The following TES variants were observed in gnomAD, a reference collection of about 807,000 sequenced individuals.
The protein encoded by TES is testin LIM domain protein, also known as testin.
In TES, 41 loss-of-function variants were observed where a neutral mutation model predicts 48.2. The observed-to-expected ratio is 0.85, with a 90% CI of 0.66 to 1.10. The LOEUF (loss-of-function observed/expected upper bound fraction) is 1.10. Ranked by LOEUF, TES falls within the 50% of genes least tolerant of loss-of-function variation. The pLI, the probability that TES is intolerant of heterozygous loss-of-function variation, is 0.00. For synonymous variants in TES, 162 were observed against 174.9 expected, an observed-to-expected ratio of 0.93 and a Z score of 0.58; for missense variants, 463 against 515.1, an observed-to-expected ratio of 0.90 and a Z score of 0.98.
At chr7:116,215,186 C>T (rs1799480434) in intron 1 of TES, among the ~76,000 whole-genome samples, 1 of 152,136 alleles carries the variant, frequency 6.6e-6, no homozygotes, top group Admixed American at 6.5e-5. Context: ...TTACTATGAA[C>T]TTGAACCATA....
In TES at chr7:116,254,762, G is replaced by T. The variant is rs955480614; in HGVS notation, c.1077+2286G>T. ...TCTCAAAAAAAATATATATATATGT[G>T]TGTGTGTGTGTGTGTGTGTGTGTGT... On this transcript the variant is annotated intron_variant, in intron 6 of 6. Coordinates refer to ENST00000358204, the MANE Select transcript of TES (RefSeq NM_015641.4). Among the ~76,000 whole-genome samples the T allele has an allele frequency of 1.1e-3, 109 of 98,774 alleles. No homozygotes were observed. In the Middle Eastern group the frequency reaches 0.014, roughly 13 times the overall value. 64.8% of individuals were successfully genotyped at this position (98,774 alleles called of 152,430 possible).
intron 1 of TES, chr7:116,217,880 C>T (rs112697439): frequency 1.9e-6 from 1 of 514,716 alleles, no homozygotes; most frequent in African/African-American, 1.9e-5. Context: ...CCCTGTCTAC[C>T]TAACATTCTA....
At chr7:116,247,220 TGA>T (rs899123540) in intron 2 of TES, among the ~76,000 whole-genome samples, 66 of 151,884 alleles carry the variant, frequency 4.3e-4, no homozygotes, top group African/African-American at 1.4e-3. Flanking sequence ...GAGAAAAAAA[TGA>T]GAAAGGCTGT....
intron 6 of TES, among the ~76,000 whole-genome samples, chr7:116,256,709 C>T (rs558655210): frequency 1.3e-5 from 2 of 152,296 alleles, no homozygotes; most frequent in East Asian, 3.9e-4. Context: ...TATTAGATTA[C>T]ACATAAATTA....
chr7:116,212,300 C>G (rs2116565925), intron 1 of TES, among the ~76,000 whole-genome samples: 1 of 152,258 alleles, frequency 6.6e-6, no homozygotes, highest in South Asian at 2.1e-4. Flanking sequence ...TGACACTATT[C>G]TGTATGATAC....
At chr7:116,218,072 T>C in intron 1 of TES, 1 of 397,712 alleles carries the variant, frequency 2.5e-6, no homozygotes. Flanking sequence ...TGGCTTAAAG[T>C]GGGAGAGCGT....
In TES at chr7:116,249,206, C is replaced by T; in HGVS notation, c.300C>T (p.Ala100=). The change falls in exon 3 of 7, where the codon GCC becomes GCT. Residue 100 remains alanine (A), a synonymous_variant. Coordinates refer to ENST00000358204, the MANE Select transcript of TES (RefSeq NM_015641.4). ...TGATATTGACGAATCCAGTTGCTGCCAAGAAGAATGTCTCCATCAATACAG... is the reference window on the plus strand; with the variant it reads ...TGATATTGACGAATCCAGTTGCTGCTAAGAAGAATGTCTCCATCAATACAG... ...NVMILTNPVA[A]KKNVSINTVT... is the part of the protein sequence containing the mutation. The T allele has an allele frequency of 6.2e-7, 1 of 1,614,042 alleles. No homozygotes were observed. Among genetic ancestry groups the T allele is most frequent in the Non-Finnish European group, 8.5e-7 (1 of 1,179,978 alleles).
At chr7:116,252,969 A>T (rs779779390) in intron 6 of TES, among the ~76,000 whole-genome samples, 7 of 150,250 alleles carry the variant, frequency 4.7e-5, no homozygotes, top group Admixed American at 1.3e-4. Context: ...TGGCCTGCGT[A>T]TTTAGATTTT....
chr7:116,235,913 A>G (rs1259824652), intron 2 of TES, among the ~76,000 whole-genome samples: 7 of 152,230 alleles, frequency 4.6e-5, no homozygotes, highest in African/African-American at 1.7e-4. Flanking sequence ...AGAAACAAAG[A>G]TAATTGTTTA....
At chr7:116,218,718 G>A (rs1799522837) in intron 1 of TES, among the ~76,000 whole-genome samples, 1 of 152,014 alleles carries the variant, frequency 6.6e-6, no homozygotes, top group Non-Finnish European at 1.5e-5. Flanking sequence ...AAAAAGGAAG[G>A]AAGATGAGTG....
Position 116,210,543 on chromosome 7 carries a change from C to A in TES, c.-165C>A, listed in dbSNP as rs572256292. ...CCGGGTCCGGGCCGCAGGCCCGCTG[C>A]GGCGGACTGGGCGGCGGAAGTTCGA... On this transcript the variant is annotated 5_prime_UTR_variant, in exon 1 of 7. Transcript: ENST00000358204. 2.8e-4 allele frequency: 204 copies of A among 734,178 alleles called. No individual in the cohort carries two copies. Among genetic ancestry groups the A allele is most frequent in the Middle Eastern group, 1.4e-3 (3 of 2,164 alleles). 45.5% of individuals were successfully genotyped at this position (734,178 alleles called of 1,614,324 possible). A position where few individuals can be genotyped will look rare whatever the true frequency, so the allele number is the denominator to read the frequency against.
chr7:116,213,687 C>T (rs1351622963), intron 1 of TES, among the ~76,000 whole-genome samples: 2 of 152,192 alleles, frequency 1.3e-5, no homozygotes, highest in African/African-American at 4.8e-5. Flanking sequence ...CGAGCTGTTG[C>T]TAGGATGTGG....
intron 2 of TES, among the ~76,000 whole-genome samples, chr7:116,243,669 T>A (rs1207460075): frequency 6.6e-6 from 1 of 152,226 alleles, no homozygotes; most frequent in Non-Finnish European, 1.5e-5. Context: ...ACTGCAAAAC[T>A]GTTCATCTTT....
rs1218467924 is a variant in TES at position 116,239,228 on chromosome 7, A to ATGTGAGG, written c.113+4611_113+4612insTGAGGTG. 7 of 152,232 alleles carry ATGTGAGG rather than the reference A, an allele frequency of 4.6e-5. 1 individual carries two copies. The highest frequency in any genetic ancestry group is 3.9e-4 in the Admixed American group (6 of 15,274). The allele number at this position is 152,232 out of a possible 1,614,324, so 9.4% of individuals were successfully genotyped here. A position where few individuals can be genotyped will look rare whatever the true frequency, so the allele number is the denominator to read the frequency against. On this transcript the variant is annotated intron_variant, in intron 2 of 6. Coordinates refer to ENST00000358204, the MANE Select transcript of TES (RefSeq NM_015641.4). ...GCTTAGAATCCTTCCTGCACCTCAC[A>ATGTGAGG]TGCCTCCAACTTCCTCTTCTGCTGC...
chr7:116,234,564 G>A lies in TES; in HGVS notation c.58G>A (p.Ala20Thr). The A allele has an allele frequency of 2.5e-6, 4 of 1,613,888 alleles. No homozygotes were observed. The highest frequency in any genetic ancestry group is 3.4e-6 in the Non-Finnish European group (4 of 1,179,838). The change falls in exon 2 of 7, where the codon GCC becomes ACC. Residue 20 changes from alanine to threonine, a missense_variant. By Grantham distance (58) the Ala-to-Thr change is moderately conservative. Coordinates refer to ENST00000358204, the MANE Select transcript of TES (RefSeq NM_015641.4). ...CTTAGGTCACGAGCAAGGATTTGGA[G>A]CCCCTTGTTTAAAATGCAAAGAAAA... ...MGLGHEQGFG[A>T]PCLKCKEKCE...
At position 116,250,230 on chromosome 7, in the gene TES, C is replaced by G; in HGVS notation, c.436C>G (p.Arg146Gly). The change falls in exon 4 of 7, where the codon CGG becomes GGG. Residue 146 changes from arginine to glycine, a missense_variant. By Grantham distance (125) the Arg-to-Gly change is moderately radical (BLOSUM62 -2). Transcript: ENST00000358204. ...AGCAGGCTCAGAGGGGGCACAGTAC[C>G]GGAAGAAGCAGCTGGCAAAGCAGCT... is the stretch of plus-strand genomic sequence containing the variant. ...PVAGSEGAQY[R>G]KKQLAKQLPA... The G allele has an allele frequency of 6.2e-7, 1 of 1,605,586 alleles. No homozygotes were observed. The highest frequency in any genetic ancestry group is 2.2e-5 in the East Asian group (1 of 44,698).
chr7:116,210,567 G>C lies in TES; in HGVS notation c.-141G>C. On this transcript the variant is annotated 5_prime_UTR_variant, in exon 1 of 7. Coordinates refer to ENST00000358204, the MANE Select transcript of TES (RefSeq NM_015641.4). ...GCGGCGGACTGGGCGGCGGAAGTTC[G>C]ACGGCGCCGGGCGAGTGGCTGTTGA... 1.0e-6 allele frequency: 1 copy of C among 974,376 alleles called. No homozygotes were observed. Among genetic ancestry groups the C allele is most frequent in the Non-Finnish European group, 1.3e-6 (1 of 741,274 alleles). 60.4% of individuals were successfully genotyped at this position (974,376 alleles called of 1,614,324 possible).
intron 1 of TES, among the ~76,000 whole-genome samples, chr7:116,218,855 A>G (rs1799524345): frequency 6.6e-6 from 1 of 152,148 alleles, no homozygotes; most frequent in African/African-American, 2.4e-5. Context: ...ATATTTTTAA[A>G]AACACAATAA....
At chr7:116,221,922 A>C (rs996858979) in intron 1 of TES, among the ~76,000 whole-genome samples, 1 of 152,186 alleles carries the variant, frequency 6.6e-6, no homozygotes, top group African/African-American at 2.4e-5. Context: ...ATTTTAAATG[A>C]TGTCTGTGCA....
Sources: allele counts gnomAD v4.1 joint callset (sites outside exome capture counted in the v4.1 genomes callset), GRCh38; gene constraint gnomAD v4.1.1; transcripts MANE v1.5; gene names NCBI Gene and HGNC (gene_info 2026-07-23, HGNC 2026-07-21).